The following MAGEL2 variants were observed in gnomAD, a reference collection of about 807,000 sequenced individuals.
MAGEL2 encodes MAGE family member L2, also known as MAGE-like protein 2.
For missense variants in MAGEL2, 1,830 were observed against 1,699.2 expected (o/e 1.08, Z -1.35); for synonymous variants, 792 against 721.7 (o/e 1.10, Z -1.56).
rs1163058667 is a variant in MAGEL2 at position 23,647,790 on chromosome 15, G to A, written c.-48C>T. On this transcript the variant is annotated 5_prime_UTR_variant, in exon 1 of 1. Coordinates refer to ENST00000650528, the MANE Select transcript of MAGEL2 (RefSeq NM_019066.5). The stretch of plus-strand genomic sequence containing the variant: ...GGTCTTTTCCTCGGACAGCTGCTGG[G>A]CCTTTTCCTCCAGAGAGAAGAGAAT... The A allele has an allele frequency of 5.6e-6, 8 of 1,430,276 alleles. No homozygotes were observed. Among genetic ancestry groups the A allele is most frequent in the Non-Finnish European group, 6.4e-6 (7 of 1,097,156 alleles). The allele number at this position is 1,430,276 out of a possible 1,614,324, so 88.6% of individuals were successfully genotyped here. A position where few individuals can be genotyped will look rare whatever the true frequency, so the allele number is the denominator to read the frequency against.
Position 23,647,136 on chromosome 15 carries a change from G to T in MAGEL2, c.607C>A (p.Pro203Thr), listed in dbSNP as rs1890431797. ...PPPGTPMAHP[P>T]PPGTPMAHPP... The stretch of plus-strand genomic sequence containing the variant: ...TGAGCCATCGGTGTCCCCGGAGGGG[G>T]AGGATGAGCCATCGGTGTCCCCGGA... Residue 203 changes from proline to threonine, a missense_variant, in exon 1 of 1, where the codon CCC becomes ACC. By Grantham distance (38) the Pro-to-Thr change is conservative. Transcript: ENST00000650528. The T allele has an allele frequency of 6.5e-6, 10 of 1,529,098 alleles. No homozygotes were observed. Among genetic ancestry groups the T allele is most frequent in the Non-Finnish European group, 7.9e-6 (9 of 1,143,362 alleles). The allele number at this position is 1,529,098 out of a possible 1,614,324, so 94.7% of individuals were successfully genotyped here.
At position 23,646,126 on chromosome 15, in the gene MAGEL2, C is replaced by T. The variant is rs1179159616; in HGVS notation, c.1617G>A (p.Ala539=). ...ARLPAPQVQA[A]PQVPTAPPAT... ...CAGGTGGGGCCGTAGGCACCTGCGG[C>T]GCCGCCTGCACCTGCGGGGCCGGCA... Residue 539 remains alanine, a synonymous_variant, in exon 1 of 1, where the codon GCG becomes GCA. Transcript: ENST00000650528. The surrounding 1 kb of genome is among the most constrained non-coding windows in gnomAD (Gnocchi z 4.2). 2.9e-6 allele frequency: 4 copies of T among 1,364,804 alleles called. No homozygotes were observed. Among genetic ancestry groups the T allele is most frequent in the African/African-American group, 1.6e-5 (1 of 64,384 alleles). 84.5% of individuals were successfully genotyped at this position (1,364,804 alleles called of 1,614,324 possible).
Position 23,644,856 on chromosome 15 carries a change from C to T in MAGEL2, c.2887G>A (p.Ala963Thr), listed in dbSNP as rs776392903. The change falls in exon 1 of 1, where the codon GCA (alanine) becomes ACA (threonine). Residue 963 changes from alanine to threonine, a missense_variant. Coordinates refer to ENST00000650528, the MANE Select transcript of MAGEL2 (RefSeq NM_019066.5). ...TCCCAGGCACTCAGGGCCCAGGATG[C>T]GCTGGGCCCTTCCCAGCCACTCAGG... ...RILSGWEGPS[A>T]SWALSAWEGP... 28 of 1,611,784 alleles carry T rather than the reference C, an allele frequency of 1.7e-5. No individual in the cohort carries two copies. The highest frequency in any genetic ancestry group is 5.3e-5 in the African/African-American group (4 of 74,852).
chr15:23,644,547 T>G lies in MAGEL2; in HGVS notation c.3196A>C (p.Asn1066His), dbSNP rs1036070963. 6.2e-7 allele frequency: 1 copy of G among 1,613,942 alleles called. No individual in the cohort carries two copies. Among genetic ancestry groups the G allele is most frequent in the Non-Finnish European group, 8.5e-7 (1 of 1,179,876 alleles). ...DECLDIINRA[N>H]NKLECAFGYQ... ...CCAAAGGCACACTCCAGCTTATTGTTGGCACGGTTGATGATATCTAAGCAC... is the reference window on the plus strand; with the variant it reads ...CCAAAGGCACACTCCAGCTTATTGTGGGCACGGTTGATGATATCTAAGCAC... The change falls in exon 1 of 1, where the codon AAC becomes CAC. Residue 1066 changes from asparagine to histidine, a missense_variant. Asn to His is a moderately conservative substitution (Grantham distance 68). Coordinates refer to ENST00000650528, the MANE Select transcript of MAGEL2 (RefSeq NM_019066.5).
At position 23,646,897 on chromosome 15, in the gene MAGEL2, T is replaced by C. The variant is rs1211698194; in HGVS notation, c.846A>G (p.Pro282=). The change falls in exon 1 of 1, where the codon CCA becomes CCG. Residue 282 remains proline, a synonymous_variant. Transcript: ENST00000650528. The surrounding 1 kb of genome is among the most constrained non-coding windows in gnomAD (Gnocchi z 4.2). ...QPSGAPMAKP[P]GPGVLMIHPP... is the part of the protein sequence containing the mutation. ...GATGAATCATCAGGACTCCTGGACC[T>C]GGAGGCTTGGCCATCGGTGCTCCTG... 4 of 1,536,882 alleles carry C rather than the reference T, an allele frequency of 2.6e-6. No individual in the cohort carries two copies. The highest frequency in any genetic ancestry group is 1.2e-5 in the South Asian group (1 of 84,042).
Position 23,647,831 on chromosome 15 carries a change from C to T in MAGEL2, c.-89G>A. On this transcript the variant is annotated 5_prime_UTR_variant, in exon 1 of 1. Transcript: ENST00000650528. Reference sequence around the variant, plus strand: ...AGAAGAGAATGCCTACGTGGCTGTTCAGAGGCTCCCTCCCTGCTGAATGCT... The same window carrying T: ...AGAAGAGAATGCCTACGTGGCTGTTTAGAGGCTCCCTCCCTGCTGAATGCT... The T allele has an allele frequency of 7.6e-7, 1 of 1,307,672 alleles. No individual in the cohort carries two copies. Among genetic ancestry groups the T allele is most frequent in the Non-Finnish European group, 1.0e-6 (1 of 993,262 alleles). The allele number at this position is 1,307,672 out of a possible 1,614,324, so 81.0% of individuals were successfully genotyped here. A position where few individuals can be genotyped will look rare whatever the true frequency, so the allele number is the denominator to read the frequency against.
rs2140716919 is a variant in MAGEL2, at chr15:23,646,569, T to C, written c.1174A>G (p.Thr392Ala). Residue 392 changes from threonine (T) to alanine (A), a missense_variant, in exon 1 of 1, where the codon ACG becomes GCG. Thr to Ala is a moderately conservative substitution (Grantham distance 58, BLOSUM62 0). Transcript: ENST00000650528. The surrounding 1 kb of genome is among the most constrained non-coding windows in gnomAD (Gnocchi z 4.2). ...GCTGGTGCCTGCCAGGTGACCTGCG[T>C]GGTCTGCCAAGTCAGGGGAGTGGCC... ...WQATPLTWQT[T>A]QVTWQAPAVT... 5.4e-6 allele frequency: 8 copies of C among 1,474,240 alleles called. No homozygotes were observed. The highest frequency in any genetic ancestry group is 6.3e-6 in the Non-Finnish European group (7 of 1,118,934). 91.3% of individuals were successfully genotyped at this position (1,474,240 alleles called of 1,614,324 possible). A position where few individuals can be genotyped will look rare whatever the true frequency, so the allele number is the denominator to read the frequency against.
rs768191086 is a variant in MAGEL2, at chr15:23,645,914, T to A, written c.1829A>T (p.Gln610Leu). 1 of 1,571,216 alleles carries A rather than the reference T, an allele frequency of 6.4e-7. No homozygotes were observed. Among genetic ancestry groups the A allele is most frequent in the Non-Finnish European group, 8.6e-7 (1 of 1,158,782 alleles). The change falls in exon 1 of 1, where the codon CAG becomes CTG. Residue 610 changes from glutamine (Q) to leucine (L), a missense_variant. Physicochemically the swap from Gln to Leu is moderately radical, Grantham distance 113. Transcript: ENST00000650528. Reference sequence around the variant, plus strand: ...CTGCCAGGCCAGCGCCTGTGTCTGCTGCACCTCCTGGAATTCCATTGACGT... The same window carrying A: ...CTGCCAGGCCAGCGCCTGTGTCTGCAGCACCTCCTGGAATTCCATTGACGT... ...IPTSMEFQEV[Q>L]QTQALAWQAQ...
chr15:23,645,753 G>A lies in MAGEL2; in HGVS notation c.1990C>T (p.Pro664Ser). 4 of 1,576,430 alleles carry A rather than the reference G, an allele frequency of 2.5e-6. No homozygotes were observed. The highest frequency in any genetic ancestry group is 3.4e-6 in the Non-Finnish European group (4 of 1,162,772). ...PSQKAVQIQL[P>S]PQQAQASGPQ... The stretch of plus-strand genomic sequence containing the variant: ...CCCGATGCCTGGGCCTGCTGGGGGG[G>A]TAGCTGGATTTGCACGGCTTTTTGG... The change falls in exon 1 of 1, where the codon CCC becomes TCC. Residue 664 changes from proline to serine, a missense_variant. Transcript: ENST00000650528.
In MAGEL2 at chr15:23,646,495, GATGGGCGGGGGCCCCTGGCGC is replaced by G; in HGVS notation, c.1227_1247del (p.Met409_Pro415del). On this transcript the variant is annotated inframe_deletion, in exon 1 of 1. Transcript: ENST00000650528. The surrounding 1 kb of genome is among the most constrained non-coding windows in gnomAD (Gnocchi z 4.2). ...GGCGGATGGGTGGTGGGCCAGGGCG[GATGGGCGGGGGCCCCTGGCGC>G]ATGGGCGGCGGCACCTGCCAGGTAA... is the stretch of plus-strand genomic sequence containing the variant. 3 of 1,452,304 alleles carry G rather than the reference GATGGGCGGGGGCCCCTGGCGC, an allele frequency of 2.1e-6. No individual in the cohort carries two copies. The highest frequency in any genetic ancestry group is 2.7e-6 in the Non-Finnish European group (3 of 1,110,620). The allele number at this position is 1,452,304 out of a possible 1,614,324, so 90.0% of individuals were successfully genotyped here. A position where few individuals can be genotyped will look rare whatever the true frequency, so the allele number is the denominator to read the frequency against.
At position 23,645,878 on chromosome 15, in the gene MAGEL2, G is replaced by A; in HGVS notation, c.1865C>T (p.Ala622Val). ...TQALAWQAQKAPTHIWQPLPA... is the reference protein window; with the variant it reads ...TQALAWQAQKVPTHIWQPLPA... ...CAGGGGCTGCCAGATGTGAGTGGGG[G>A]CCTTCTGGGCCTGCCAGGCCAGCGC... Residue 622 changes from alanine (A) to valine (V), a missense_variant, in exon 1 of 1, where the codon GCC (alanine) becomes GTC (valine). Ala to Val is a moderately conservative substitution (Grantham distance 64). Transcript: ENST00000650528. 5 of 1,575,144 alleles carry A rather than the reference G, an allele frequency of 3.2e-6. No homozygotes were observed. The highest frequency in any genetic ancestry group is 4.3e-6 in the Non-Finnish European group (5 of 1,160,786).
At position 23,645,902 on chromosome 15, in the gene MAGEL2, G is replaced by C. The variant is rs905486469; in HGVS notation, c.1841C>G (p.Ala614Gly). 4.4e-6 allele frequency: 7 copies of C among 1,573,284 alleles called. No homozygotes were observed. The highest frequency in any genetic ancestry group is 1.9e-5 in the Admixed American group (1 of 53,962). Reference sequence around the variant, plus strand: ...GGCCTTCTGGGCCTGCCAGGCCAGCGCCTGTGTCTGCTGCACCTCCTGGAA... The same window carrying C: ...GGCCTTCTGGGCCTGCCAGGCCAGCCCCTGTGTCTGCTGCACCTCCTGGAA... The part of the protein sequence containing the change: ...MEFQEVQQTQ[A>G]LAWQAQKAPT... The change falls in exon 1 of 1, where the codon GCG becomes GGG. Residue 614 changes from alanine to glycine, a missense_variant. Transcript: ENST00000650528.
rs1240010230 is a variant in MAGEL2 at position 23,646,970 on chromosome 15, G to A, written c.773C>T (p.Pro258Leu). 1 of 1,536,836 alleles carries A rather than the reference G, an allele frequency of 6.5e-7. No individual in the cohort carries two copies. The highest frequency in any genetic ancestry group is 8.7e-7 in the Non-Finnish European group (1 of 1,146,858). ...GGCTGCTGGAGGCGGCTGGACCATC[G>A]GTGCTCCCGGAGCAGCAGGCTGGAC... The part of the protein sequence containing the change: ...LMVQPAAPGA[P>L]MVQPPPAAMM... The change falls in exon 1 of 1, where the codon CCG becomes CTG. Residue 258 changes from proline to leucine, a missense_variant. By Grantham distance (98) the Pro-to-Leu change is moderately conservative (BLOSUM62 -3). Transcript: ENST00000650528. The surrounding 1 kb of genome is among the most constrained non-coding windows in gnomAD (Gnocchi z 4.2).
rs1332745324 is a variant in MAGEL2, at chr15:23,644,746, G to A, written c.2997C>T (p.Val999=). 3 of 1,613,696 alleles carry A rather than the reference G, an allele frequency of 1.9e-6. No homozygotes were observed. The highest frequency in any genetic ancestry group is 2.7e-5 in the African/African-American group (2 of 74,920). The change falls in exon 1 of 1, where the codon GTC becomes GTT. Residue 999 remains valine, a synonymous_variant. Transcript: ENST00000650528. Reference sequence around the variant, plus strand: ...CCTGGGTGGCACTGGATCCCGGAGAGACACTTGCGACCTCAGACACAACTA... The same window carrying A: ...CCTGGGTGGCACTGGATCCCGGAGAAACACTTGCGACCTCAGACACAACTA... ...LPVVVSEVAS[V]SPGSSATQDN...
rs1208375186 is a variant in MAGEL2 at position 23,645,348 on chromosome 15, C to T, written c.2395G>A (p.Ala799Thr). 6.2e-6 allele frequency: 10 copies of T among 1,613,870 alleles called. No individual in the cohort carries two copies. The highest frequency in any genetic ancestry group is 7.6e-6 in the Non-Finnish European group (9 of 1,179,900). Reference sequence around the variant, plus strand: ...GGGCCTTTAAAGGCATTCAGAGAGGCAGGCTGAAACTGGGAGGTAGCTGGG... The same window carrying T: ...GGGCCTTTAAAGGCATTCAGAGAGGTAGGCTGAAACTGGGAGGTAGCTGGG... ...VFPATSQFQP[A>T]SLNAFKGPSA... Residue 799 changes from alanine to threonine, a missense_variant, in exon 1 of 1, where the codon GCC (alanine) becomes ACC (threonine). Coordinates refer to ENST00000650528, the MANE Select transcript of MAGEL2 (RefSeq NM_019066.5).
Position 23,646,092 on chromosome 15 carries a change from C to A in MAGEL2, c.1651G>T (p.Val551Leu). 1 of 1,443,698 alleles carries A rather than the reference C, an allele frequency of 6.9e-7. No homozygotes were observed. Among genetic ancestry groups the A allele is most frequent in the Non-Finnish European group, 9.0e-7 (1 of 1,106,570 alleles). The allele number at this position is 1,443,698 out of a possible 1,614,324, so 89.4% of individuals were successfully genotyped here. Residue 551 changes from valine to leucine, a missense_variant, in exon 1 of 1, where the codon GTA becomes TTA. Coordinates refer to ENST00000650528, the MANE Select transcript of MAGEL2 (RefSeq NM_019066.5). This position sits in a 1 kb window ranked among gnomAD's most constrained non-coding sequence, Gnocchi z 4.2. ...QVPTAPPATQVPAAPPAGPQV... is the reference protein window; with the variant it reads ...QVPTAPPATQLPAAPPAGPQV... ...GGGCCAGCGGGCGGCGCCGCGGGTA[C>A]CTGCGTAGCAGGTGGGGCCGTAGGC...
Position 23,644,975 on chromosome 15 carries a change from T to C in MAGEL2, c.2768A>G (p.Glu923Gly), listed in dbSNP as rs1318701489. The C allele has an allele frequency of 2.5e-6, 4 of 1,613,696 alleles. No homozygotes were observed. The African/African-American group carries it at 4.0e-5, about 16-fold the overall frequency. Residue 923 changes from glutamate to glycine, a missense_variant, in exon 1 of 1, where the codon GAG becomes GGG. Glu to Gly is a moderately conservative substitution (Grantham distance 98). Coordinates refer to ENST00000650528, the MANE Select transcript of MAGEL2 (RefSeq NM_019066.5). ...CGAGACCTGGATAGGGCTTTGGACC[T>C]CCCAGTCACTCAGATTTAGATTCTC... is the stretch of plus-strand genomic sequence containing the variant. ...PWENLNLSDW[E>G]VQSPIQVSGD...
In MAGEL2 at chr15:23,647,411, T is replaced by C; in HGVS notation, c.332A>G (p.His111Arg). The change falls in exon 1 of 1, where the codon CAT becomes CGT. Residue 111 changes from histidine to arginine, a missense_variant. By Grantham distance (29) the His-to-Arg change is conservative. Transcript: ENST00000650528. ...CATCGGGGCTCCCGGAGGTGGAGGATGCACCATCAGGACCCCGGGAGTCGG... is the reference window on the plus strand; with the variant it reads ...CATCGGGGCTCCCGGAGGTGGAGGACGCACCATCAGGACCCCGGGAGTCGG... ...KPPTPGVLMVHPPPPGAPMAQ... is the reference protein window; with the variant it reads ...KPPTPGVLMVRPPPPGAPMAQ... 6.5e-7 allele frequency: 1 copy of C among 1,536,482 alleles called. No homozygotes were observed. Among genetic ancestry groups the C allele is most frequent in the Non-Finnish European group, 8.7e-7 (1 of 1,146,802 alleles).
At position 23,645,853 on chromosome 15, in the gene MAGEL2, C is replaced by G. The variant is rs746939725; in HGVS notation, c.1890G>C (p.Leu630=). 5 of 1,578,522 alleles carry G rather than the reference C, an allele frequency of 3.2e-6. No individual in the cohort carries two copies. Among genetic ancestry groups the G allele is most frequent in the Non-Finnish European group, 4.3e-6 (5 of 1,162,854 alleles). ...CCTGCCTCTGGGCCTCCTGGGCAGG[C>G]AGGGGCTGCCAGATGTGAGTGGGGG... is the stretch of plus-strand genomic sequence containing the variant. The part of the protein sequence containing the change: ...QKAPTHIWQP[L]PAQEAQRQAP... Residue 630 remains leucine (L), a synonymous_variant, in exon 1 of 1, where the codon CTG becomes CTC. Transcript: ENST00000650528.
Sources: allele counts gnomAD v4.1 joint callset, GRCh38; gene constraint gnomAD v4.1.1; non-coding constraint Gnocchi (gnomAD v3.1); transcripts MANE v1.5; gene names NCBI Gene and HGNC (gene_info 2026-07-23, HGNC 2026-07-21).